The following ERBB4 variants were observed in gnomAD, a reference collection of about 807,000 sequenced individuals.
ERBB4 encodes erb-b2 receptor tyrosine kinase 4, also known as receptor tyrosine-protein kinase erbB-4.
Under a neutral mutation model 158.0 loss-of-function variants are expected in ERBB4, and 42 were observed. That is an observed-to-expected ratio of 0.27 (90% CI 0.21 to 0.34). The LOEUF is 0.34. Ranked by LOEUF, ERBB4 falls within the 10% of genes least tolerant of loss-of-function variation. The pLI is 1.00. For missense variants in ERBB4, 1,333 were observed against 1,624.1 expected, an observed-to-expected ratio of 0.82 and a Z score of 3.08; for synonymous variants, 583 against 558.7, an observed-to-expected ratio of 1.04 and a Z score of -0.61.
chr2:211,562,832 C>T (rs943161345), intron 19 of ERBB4, among the ~76,000 whole-genome samples: 6 of 136,252 alleles, frequency 4.4e-5, no homozygotes, highest in Non-Finnish European at 7.6e-5. Flanking sequence ...AGTGCAGTGG[C>T]GGGATCTCGG....
intron 25 of ERBB4, among the ~76,000 whole-genome samples, chr2:211,414,149 A>G (rs1426044153): frequency 6.6e-6 from 1 of 152,108 alleles, no homozygotes; most frequent in Non-Finnish European, 1.5e-5. Flanking sequence ...TCCTACCTCT[A>G]TCAGAGGTAG....
chr2:211,792,486 C>T (rs1280939942), intron 3 of ERBB4, among the ~76,000 whole-genome samples: 1 of 151,568 alleles, frequency 6.6e-6, no homozygotes, highest in Non-Finnish European at 1.5e-5. Flanking sequence ...GCAGACAATA[C>T]ATTTGATATT....
intron 2 of ERBB4, among the ~76,000 whole-genome samples, chr2:212,084,713 G>C (rs556083963): frequency 2.0e-5 from 3 of 151,976 alleles, no homozygotes; most frequent in African/African-American, 7.2e-5. Flanking sequence ...CTGAAACATA[G>C]AGAAAATAAA....
chr2:212,048,100 A>G (rs1416107597), intron 2 of ERBB4, among the ~76,000 whole-genome samples: 1 of 152,212 alleles, frequency 6.6e-6, no homozygotes, highest in Non-Finnish European at 1.5e-5. Context: ...TTCAGAAGAT[A>G]AAATAGCTAT....
intron 3 of ERBB4, among the ~76,000 whole-genome samples, chr2:211,817,737 A>G (rs758844175): frequency 2.6e-5 from 4 of 152,020 alleles, no homozygotes; most frequent in Non-Finnish European, 5.9e-5. Flanking sequence ...CCACTTCTGG[A>G]TTTTGCCTTT....
At chr2:211,849,161 A>G (rs2077660129) in intron 3 of ERBB4, among the ~76,000 whole-genome samples, 1 of 152,030 alleles carries the variant, frequency 6.6e-6, no homozygotes, top group Admixed American at 6.6e-5. Flanking sequence ...TTCCTGATAG[A>G]TATCAACATG....
intron 20 of ERBB4, among the ~76,000 whole-genome samples, chr2:211,480,555 CTG>C (rs1218067140): frequency 6.6e-6 from 1 of 152,230 alleles, no homozygotes; most frequent in African/African-American, 2.4e-5. Context: ...GATATGCTGC[CTG>C]TACAAGCCAT....
chr2:211,691,617 A>G (rs2072825007), intron 12 of ERBB4, among the ~76,000 whole-genome samples: 2 of 129,890 alleles, frequency 1.5e-5, no homozygotes, highest in African/African-American at 3.1e-5. Context: ...TATATAACAG[A>G]TTGCTGAGAG....
At chr2:211,530,927 T>C (rs373455158) in intron 20 of ERBB4, among the ~76,000 whole-genome samples, 3 of 151,886 alleles carry the variant, frequency 2.0e-5, no homozygotes, top group African/African-American at 7.2e-5. Context: ...TACAGAGCTC[T>C]AGTAACCAAA....
intron 19 of ERBB4, among the ~76,000 whole-genome samples, chr2:211,599,580 C>CTT (rs2068739530): frequency 6.7e-6 from 1 of 150,264 alleles, no homozygotes; most frequent in South Asian, 2.1e-4. Flanking sequence ...CATTTAGAGT[C>CTT]CTGTCAAGAA....
chr2:212,065,025 G>A (rs2077899706), intron 2 of ERBB4, among the ~76,000 whole-genome samples: 1 of 143,932 alleles, frequency 6.9e-6, no homozygotes, highest in East Asian at 2.1e-4. Flanking sequence ...GTGTGTGTGT[G>A]TGTTGTGTGT....
At chr2:211,635,009 TAA>T (rs1379701165) in intron 16 of ERBB4, among the ~76,000 whole-genome samples, 1 of 152,142 alleles carries the variant, frequency 6.6e-6, no homozygotes, top group African/African-American at 2.4e-5. Context: ...GCGGAAGCGA[TAA>T]GAGGCTCAGT....
chr2:212,396,568 C>G (rs1015065720), intron 1 of ERBB4, among the ~76,000 whole-genome samples: 3 of 152,010 alleles, frequency 2.0e-5, no homozygotes, highest in African/African-American at 7.2e-5. Context: ...ATAGTAAGAA[C>G]CCCGAGATAT....
chr2:211,445,388 A>C (rs1437200551), intron 20 of ERBB4, among the ~76,000 whole-genome samples: 3 of 152,154 alleles, frequency 2.0e-5, no homozygotes, highest in Non-Finnish European at 1.5e-5. Context: ...GTTAAACCAT[A>C]AGAGAGCATG....
intron 16 of ERBB4, among the ~76,000 whole-genome samples, chr2:211,651,706 G>C (rs1423533338): frequency 6.6e-6 from 1 of 151,946 alleles, no homozygotes; most frequent in East Asian, 1.9e-4. Flanking sequence ...GGGTGGGGTG[G>C]GAAGGGCTGG....
At chr2:211,639,936 T>A (rs543276246) in intron 16 of ERBB4, among the ~76,000 whole-genome samples, 4 of 152,292 alleles carry the variant, frequency 2.6e-5, no homozygotes, top group African/African-American at 9.6e-5. Context: ...TTGGCCAGGC[T>A]GGTCTCGAAC....
intron 3 of ERBB4, among the ~76,000 whole-genome samples, chr2:211,863,874 A>C (rs1216959362): frequency 6.6e-6 from 1 of 152,212 alleles, no homozygotes; most frequent in African/African-American, 2.4e-5. Context: ...CTGTGTATTC[A>C]GTGGAAAAAT....
chr2:212,197,734 T>C (rs1324648661), intron 1 of ERBB4, among the ~76,000 whole-genome samples: 1 of 152,184 alleles, frequency 6.6e-6, no homozygotes, highest in Non-Finnish European at 1.5e-5. Context: ...TTATGTTTGC[T>C]GAAAGCCCTG....
At chr2:211,554,501 G>A (rs1307311990) in intron 20 of ERBB4, among the ~76,000 whole-genome samples, 1 of 152,202 alleles carries the variant, frequency 6.6e-6, no homozygotes, top group Admixed American at 6.5e-5. Context: ...GAGGAAGTGG[G>A]CCTAGGAGGG....
Sources: gnomAD v4.1 joint callset for allele counts (sites outside exome capture counted in the v4.1 genomes callset) on GRCh38, gnomAD v4.1.1 for gene constraint, MANE v1.5 for transcripts, NCBI Gene and HGNC (gene_info 2026-07-23, HGNC 2026-07-21) for gene names.